CFAP52: variants seen among roughly 807,000 people sequenced by gnomAD.
The protein encoded by CFAP52 is cilia and flagella associated protein 52.
In CFAP52, 57 loss-of-function variants were observed where a neutral mutation model predicts 70.5. That is an observed-to-expected ratio of 0.81 (90% CI 0.65 to 1.01). The LOEUF is 1.01. CFAP52 is among the 50% of genes least tolerant of loss of function. The pLI is 0.00. For synonymous variants in CFAP52, 267 were observed against 292.5 expected (o/e 0.91, Z 0.89); for missense variants, 785 against 788.5 (o/e 1.00, Z 0.05).
chr17:9,632,820 GC>G (rs1212397744), intron 9 of CFAP52, 67 bp from the exon 10 acceptor site: 2 of 1,566,348 alleles, frequency 1.3e-6, no homozygotes, highest in Non-Finnish European at 1.7e-6. Flanking sequence ...CCTTAGTGAG[GC>G]CAGCAGACTG....
At chr17:9,581,895 G>A (rs1487928180) in intron 1 of CFAP52, among the ~76,000 whole-genome samples, 1 of 152,154 alleles carries the variant, frequency 6.6e-6, no homozygotes, top group Non-Finnish European at 1.5e-5. Context: ...ATTGAGCGTT[G>A]AGCAGTGTGG....
In CFAP52 at chr17:9,639,012, A is replaced by G. The variant is rs941371974; in HGVS notation, c.1575+301A>G. 55 of 315,086 alleles carry G rather than the reference A, an allele frequency of 1.7e-4. 1 individual carries two copies. Among genetic ancestry groups the G allele is most frequent in the African/African-American group, 1.1e-3 (54 of 47,538 alleles). 19.5% of individuals were successfully genotyped at this position (315,086 alleles called of 1,614,324 possible). On this transcript the variant is annotated intron_variant, in intron 12 of 13. Coordinates refer to ENST00000352665, the MANE Select transcript of CFAP52 (RefSeq NM_145054.5). Reference sequence around the variant, plus strand: ...ACTCAATAGATTGGTTTTTATTATTAGGGAATTTCTGAGACTGGAGTAGAA... The same window carrying G: ...ACTCAATAGATTGGTTTTTATTATTGGGGAATTTCTGAGACTGGAGTAGAA...
chr17:9,577,958 G>A (rs1023856661), intron 1 of CFAP52, among the ~76,000 whole-genome samples: 1 of 152,158 alleles, frequency 6.6e-6, no homozygotes, highest in African/African-American at 2.4e-5. Context: ...CGGGCGTGGT[G>A]GTAGGTGCCT....
At chr17:9,598,423 T>A in intron 5 of CFAP52, 90 bp downstream of exon 5, 3 of 1,093,530 alleles carry the variant, frequency 2.7e-6, no homozygotes, top group Non-Finnish European at 4.0e-6. Flanking sequence ...TACATGGGGC[T>A]GGGGATAGGA....
chr17:9,642,311 T>C (rs1160213334), intron 13 of CFAP52, among the ~76,000 whole-genome samples: 2 of 152,226 alleles, frequency 1.3e-5, no homozygotes, highest in Non-Finnish European at 2.9e-5. Flanking sequence ...GCCAAGCTCT[T>C]TGATTCATCA....
rs191527919 is a variant in CFAP52, at chr17:9,629,951, G to C, written c.1174+1131G>C. Among the ~76,000 whole-genome samples the C allele has an allele frequency of 2.9e-3, 441 of 151,808 alleles. 1 individual carries two copies. Among genetic ancestry groups the C allele is most frequent in the African/African-American group, 0.01 (426 of 41,402 alleles). ...TGTTAGCGTCCCTACCCCACCCTGC[G>C]CATGTCTTCTCCACATAGGGCTGCC... On this transcript the variant is annotated intron_variant, in intron 9 of 13. Coordinates refer to ENST00000352665, the MANE Select transcript of CFAP52 (RefSeq NM_145054.5).
At position 9,586,938 on chromosome 17, in the gene CFAP52, C is replaced by T. The variant is rs1908519664; in HGVS notation, c.407+104C>T. ...TTGTTATATAGGTAAACTTATGTCA[C>T]GGGTTTGTTGTACAGATTATTTCAT... On this transcript the variant is annotated intron_variant, in intron 3 of 13. Coordinates refer to ENST00000352665, the MANE Select transcript of CFAP52 (RefSeq NM_145054.5). The T allele has an allele frequency of 5.3e-6, 7 of 1,330,832 alleles. No individual in the cohort carries two copies. In the East Asian group the frequency reaches 1.1e-4, roughly 20 times the overall value. 82.4% of individuals were successfully genotyped at this position (1,330,832 alleles called of 1,614,324 possible).
chr17:9,634,176 C>G (rs995506731), intron 10 of CFAP52, among the ~76,000 whole-genome samples: 1 of 152,196 alleles, frequency 6.6e-6, no homozygotes, highest in Admixed American at 6.6e-5. Context: ...TATCCCAAAG[C>G]CTTCCCTTTC....
At chr17:9,613,103 T>C (rs1027071450) in intron 8 of CFAP52, among the ~76,000 whole-genome samples, 1 of 152,046 alleles carries the variant, frequency 6.6e-6, no homozygotes, top group Admixed American at 6.6e-5. Context: ...ATCAGGCATA[T>C]AGCCCCATCT....
intron 7 of CFAP52, among the ~76,000 whole-genome samples, chr17:9,609,031 C>T (rs1020418992): frequency 2.6e-5 from 4 of 152,110 alleles, no homozygotes; most frequent in Non-Finnish European, 5.9e-5. Context: ...GGACAGTTCA[C>T]AGAGGGATGG....
At chr17:9,608,736 A>G (rs565290138) in intron 7 of CFAP52, among the ~76,000 whole-genome samples, 1 of 152,354 alleles carries the variant, frequency 6.6e-6, no homozygotes, top group East Asian at 1.9e-4. Flanking sequence ...ATTAAAATAA[A>G]ATGAAACAAA....
At chr17:9,626,123 C>T (rs1231767484) in intron 8 of CFAP52, among the ~76,000 whole-genome samples, 3 of 152,170 alleles carry the variant, frequency 2.0e-5, no homozygotes, top group Non-Finnish European at 4.4e-5. Flanking sequence ...GGAACTTAAC[C>T]TCTCAGACCC....
At chr17:9,642,209 A>T (rs1911097672) in intron 13 of CFAP52, among the ~76,000 whole-genome samples, 1 of 152,214 alleles carries the variant, frequency 6.6e-6, no homozygotes, top group Admixed American at 6.5e-5. Context: ...GCATGATGCG[A>T]TGCCCTTCCC....
intron 3 of CFAP52, among the ~76,000 whole-genome samples, chr17:9,589,324 GTTC>G (rs1287490628): frequency 6.6e-6 from 1 of 152,138 alleles, no homozygotes; most frequent in Non-Finnish European, 1.5e-5. Context: ...TATAACGATA[GTTC>G]TTCTCTTACT....
At chr17:9,597,084 G>A (rs1255489358) in intron 4 of CFAP52, among the ~76,000 whole-genome samples, 1 of 151,976 alleles carries the variant, frequency 6.6e-6, no homozygotes, top group Non-Finnish European at 1.5e-5. Context: ...CCCACCCCCA[G>A]TCTCTGATAA....
Position 9,624,308 on chromosome 17 carries a change from T to G in CFAP52, c.1026-4364T>G, listed in dbSNP as rs2151946164. ...CCCTGAGATTTGAATTATCTGTGTT[T>G]AGTAATTTGAGATTTTCCTACAGAT... On this transcript the variant is annotated intron_variant, in intron 8 of 13. Transcript: ENST00000352665. Among the ~76,000 whole-genome samples the G allele has an allele frequency of 1.3e-5, 2 of 152,244 alleles. 1 individual carries two copies. The highest frequency in any genetic ancestry group is 4.1e-4 in the South Asian group (2 of 4,822).
chr17:9,586,001 A>G, intron 2 of CFAP52, 29 bp downstream of exon 2: 1 of 1,610,648 alleles, frequency 6.2e-7, no homozygotes, highest in Non-Finnish European at 8.5e-7. Context: ...ACTCATTGTC[A>G]ATTTATCTAG....
At position 9,586,849 on chromosome 17, in the gene CFAP52, A is replaced by G. The variant is rs572703622; in HGVS notation, c.407+15A>G. ...GATGACGGAAGGTAATGAACTAAAC[A>G]TAGTTACTTATTTTCTTTATTTTTT... On this transcript the variant is annotated intron_variant, in intron 3 of 13. Transcript: ENST00000352665. 211 of 1,571,560 alleles carry G rather than the reference A, an allele frequency of 1.3e-4. 1 individual carries two copies. In the South Asian group the frequency reaches 2.4e-3, roughly 18 times the overall value.
At chr17:9,628,096 G>C (rs1004208747) in intron 8 of CFAP52, among the ~76,000 whole-genome samples, 5 of 152,042 alleles carry the variant, frequency 3.3e-5, no homozygotes, top group Admixed American at 6.6e-5. Flanking sequence ...AAGACTTTGT[G>C]AGAATTTTAA....
Sources: gnomAD v4.1 joint callset for allele counts (sites outside exome capture counted in the v4.1 genomes callset) on GRCh38, gnomAD v4.1.1 for gene constraint, MANE v1.5 for transcripts, NCBI Gene and HGNC (gene_info 2026-07-23, HGNC 2026-07-21) for gene names.